Variants in PRKCZ observed in about 807,000 individuals in gnomAD.
PRKCZ encodes protein kinase C zeta.
PRKCZ carries 33 observed loss-of-function variants against 79.5 expected under a neutral mutation model. That is an observed-to-expected ratio of 0.41 (90% CI 0.31 to 0.55). PRKCZ has a LOEUF of 0.55. PRKCZ is among the 20% of genes least tolerant of loss of function. PRKCZ has a pLI of 0.19. For synonymous variants in PRKCZ, 342 were observed against 320.9 expected, an observed-to-expected ratio of 1.07 and a Z score of -0.70; for missense variants, 578 against 813.5, an observed-to-expected ratio of 0.71 and a Z score of 3.52.
intron 4 of PRKCZ, among the ~76,000 whole-genome samples, chr1:2,087,192 C>T (rs921029402): frequency 5.9e-5 from 9 of 152,070 alleles, no homozygotes; most frequent in Non-Finnish European, 1.2e-4. Flanking sequence ...AATTGATTCT[C>T]GCACCTCAGC....
At position 2,062,166 on chromosome 1, in the gene PRKCZ, A is replaced by G. The variant is rs1480511115; in HGVS notation, c.334+2575A>G. Among the ~76,000 whole-genome samples, 4 of 152,218 alleles carry G rather than the reference A, an allele frequency of 2.6e-5. No individual in the cohort carries two copies. The East Asian group carries it at 7.7e-4, about 29-fold the overall frequency. The stretch of plus-strand genomic sequence containing the variant: ...AATTGGTTTTATAGATTTTTAAAAA[A>G]ATTCTAAAGTATACTTACAACTATC... On this transcript the variant is annotated intron_variant, in intron 4 of 17. Transcript: ENST00000378567.
intron 4 of PRKCZ, among the ~76,000 whole-genome samples, chr1:2,118,740 T>TGTGTGTGTGC (rs1671258378): frequency 6.7e-6 from 1 of 148,502 alleles, no homozygotes; most frequent in Admixed American, 6.7e-5. Context: ...TGTGTGTGTG[T>TGTGTGTGTGC]GTGTGTGTGT....
Position 2,082,101 on chromosome 1 carries a change from C to T in PRKCZ, c.334+22510C>T, listed in dbSNP as rs1282501355. Reference sequence around the variant, plus strand: ...ACACCACACAGTCGTGCCAAGAAGGCGCCTAAGTGTCTTTCCACACGGCCA... The same window carrying T: ...ACACCACACAGTCGTGCCAAGAAGGTGCCTAAGTGTCTTTCCACACGGCCA... On this transcript the variant is annotated intron_variant, in intron 4 of 17. Transcript: ENST00000378567. This position sits in a 1 kb window ranked among gnomAD's most constrained non-coding sequence, Gnocchi z 4.4. The T allele has an allele frequency of 2.9e-5, 9 of 310,192 alleles. No individual in the cohort carries two copies. The highest frequency in any genetic ancestry group is 1.6e-4 in the South Asian group (6 of 36,886). 19.2% of individuals were successfully genotyped at this position (310,192 alleles called of 1,614,324 possible).
intron 6 of PRKCZ, among the ~76,000 whole-genome samples, 157 bp from the exon 7 acceptor site, chr1:2,145,870 C>G (rs1364563505): frequency 6.6e-6 from 1 of 152,206 alleles, no homozygotes; most frequent in Non-Finnish European, 1.5e-5. Context: ...GAGCCGTGAT[C>G]GCGCCACTGC....
intron 5 of PRKCZ, among the ~76,000 whole-genome samples, chr1:2,139,750 A>G (rs1676944633): frequency 6.6e-6 from 1 of 152,224 alleles, no homozygotes; most frequent in Non-Finnish European, 1.5e-5. Context: ...CTCTCTTCAA[A>G]AGAAATCACC....
intron 4 of PRKCZ, among the ~76,000 whole-genome samples, chr1:2,099,909 C>T (rs1018429486): frequency 1.3e-5 from 2 of 152,200 alleles, no homozygotes; most frequent in African/African-American, 4.8e-5. Context: ...AAACTGATGC[C>T]TCTGTGGGAA....
intron 9 of PRKCZ, among the ~76,000 whole-genome samples, chr1:2,152,872 C>T (rs1056056305): frequency 3.3e-5 from 5 of 152,376 alleles, no homozygotes; most frequent in Middle Eastern, 6.8e-3. Context: ...GGAGGCCCCA[C>T]GTTTGTGCGT....
intron 4 of PRKCZ, among the ~76,000 whole-genome samples, chr1:2,083,139 G>A (rs569740638): frequency 1.3e-5 from 2 of 152,252 alleles, no homozygotes; most frequent in East Asian, 3.9e-4. Context: ...CAGAGTGTTC[G>A]GTTCACTGGG....
At chr1:2,052,548 C>A (rs967938714) in intron 1 of PRKCZ, among the ~76,000 whole-genome samples, 1 of 151,958 alleles carries the variant, frequency 6.6e-6, no homozygotes, top group African/African-American at 2.4e-5. Flanking sequence ...TCCCCTCTGG[C>A]TCTTCCCTGC....
chr1:2,071,455 C>T (rs1661581589), intron 4 of PRKCZ: 1 of 279,776 alleles, frequency 3.6e-6, no homozygotes, highest in South Asian at 2.7e-5. Context: ...CGGGTTACCA[C>T]GGAAGCCTAT....
At chr1:2,120,293 G>GTT (rs59518072) in intron 4 of PRKCZ, among the ~76,000 whole-genome samples, 3,262 of 32,734 alleles carry the variant, frequency 0.1, 1,117 homozygotes, top group Non-Finnish European at 0.16. Flanking sequence ...TTGACTTTTC[G>GTT]TTTTTTTTTT....
Position 2,094,903 on chromosome 1 carries a change from A to G in PRKCZ, c.334+35312A>G, listed in dbSNP as rs1243402927. On this transcript the variant is annotated intron_variant, in intron 4 of 17. Transcript: ENST00000378567. The surrounding 1 kb of genome is among the most constrained non-coding windows in gnomAD (Gnocchi z 7.3). ...GGTTTTGGCCCTCTCTCTCCTGCCT[A>G]TAAAAAGCCCTGCCCTGGGTTCCCT... is the stretch of plus-strand genomic sequence containing the variant. Among the ~76,000 whole-genome samples the G allele has an allele frequency of 6.6e-6, 1 of 152,080 alleles. No homozygotes were observed. Among genetic ancestry groups the G allele is most frequent in the Non-Finnish European group, 1.5e-5 (1 of 68,014 alleles).
At chr1:2,073,781 C>T (rs1661866677) in intron 4 of PRKCZ, 1 of 1,019,168 alleles carries the variant, frequency 9.8e-7, no homozygotes, top group South Asian at 3.9e-5. Context: ...ATATCTGCTC[C>T]TCGCGCTCGA....
chr1:2,168,071 A>C lies in PRKCZ; in HGVS notation c.975-1447A>C, dbSNP rs1264191096. On this transcript the variant is annotated intron_variant, in intron 10 of 17. Coordinates refer to ENST00000378567, the MANE Select transcript of PRKCZ (RefSeq NM_002744.6). This position sits in a 1 kb window ranked among gnomAD's most constrained non-coding sequence, Gnocchi z 4.7. ...GCACTGAGGACGTTCCTGCACATCG[A>C]GGGCACCCTCAGAGCTGCTCTTTCT... 6.6e-6 allele frequency among the ~76,000 whole-genome samples: 1 copy of C among 152,084 alleles called. No homozygotes were observed. The highest frequency in any genetic ancestry group is 2.4e-5 in the African/African-American group (1 of 41,380).
In PRKCZ at chr1:2,112,606, G is replaced by A. The variant is rs982424636; in HGVS notation, c.335-22656G>A. Among the ~76,000 whole-genome samples the A allele has an allele frequency of 3.7e-4, 56 of 152,054 alleles. 2 individuals are homozygous for A. The highest frequency in any genetic ancestry group is 3.1e-3 in the Admixed American group (48 of 15,262). Reference sequence around the variant, plus strand: ...TCTCTGGATGCCTGTAATCATCACAGTACTCAAAAAAGGAAGAAGAAAAAG... The same window carrying A: ...TCTCTGGATGCCTGTAATCATCACAATACTCAAAAAAGGAAGAAGAAAAAG... On this transcript the variant is annotated intron_variant, in intron 4 of 17. Coordinates refer to ENST00000378567, the MANE Select transcript of PRKCZ (RefSeq NM_002744.6).
chr1:2,085,343 G>A (rs1030100808), intron 4 of PRKCZ, among the ~76,000 whole-genome samples: 3 of 152,268 alleles, frequency 2.0e-5, no homozygotes, highest in Non-Finnish European at 4.4e-5. Context: ...TTTGTGCCCT[G>A]TGTTACCGGA....
intron 16 of PRKCZ, 149 bp downstream of exon 16, chr1:2,175,462 C>A: frequency 1.5e-6 from 1 of 645,440 alleles, no homozygotes; most frequent in Non-Finnish European, 2.6e-6. Flanking sequence ...CAAATTCATC[C>A]AACCCTCACC....
At chr1:2,116,099 ACT>A (rs1183890036) in intron 4 of PRKCZ, 1 of 151,954 alleles carries the variant, frequency 6.6e-6, no homozygotes, top group East Asian at 1.9e-4. Context: ...GCAAAAAGAC[ACT>A]CTTACCGCAC....
In PRKCZ at chr1:2,125,016, G is replaced by A. The variant is rs924653587; in HGVS notation, c.335-10246G>A. On this transcript the variant is annotated intron_variant, in intron 4 of 17. Transcript: ENST00000378567. This position sits in a 1 kb window ranked among gnomAD's most constrained non-coding sequence, Gnocchi z 4.2. ...CTGAGTTATTGTGACTCAGCCGCACGTCCTCCCAGGGGCCTTGCCAGCCTG... is the reference window on the plus strand; with the variant it reads ...CTGAGTTATTGTGACTCAGCCGCACATCCTCCCAGGGGCCTTGCCAGCCTG... Among the ~76,000 whole-genome samples the A allele has an allele frequency of 5.9e-5, 9 of 152,168 alleles. No homozygotes were observed. Among genetic ancestry groups the A allele is most frequent in the Admixed American group, 1.3e-4 (2 of 15,278 alleles).
Sources: allele counts gnomAD v4.1 joint callset (sites outside exome capture counted in the v4.1 genomes callset), GRCh38; gene constraint gnomAD v4.1.1; non-coding constraint Gnocchi (gnomAD v3.1); transcripts MANE v1.5; gene names NCBI Gene and HGNC (gene_info 2026-07-23, HGNC 2026-07-21).